Variants in TENM2 observed in about 807,000 individuals in gnomAD.
TENM2 encodes the protein teneurin transmembrane protein 2, also known as teneurin-2.
TENM2 carries 52 observed loss-of-function variants against 245.2 expected under a neutral mutation model. That is an observed-to-expected ratio of 0.21 (90% CI 0.17 to 0.27). The LOEUF (loss-of-function observed/expected upper bound fraction) is 0.27, where lower values mean the gene tolerates loss of function less well. TENM2 is among the 10% of genes least tolerant of loss of function. TENM2 has a pLI of 1.00. For missense variants in TENM2, 3,046 were observed against 3,666.8 expected, an observed-to-expected ratio of 0.83 and a Z score of 4.37; for synonymous variants, 1,363 against 1,438.9, an observed-to-expected ratio of 0.95 and a Z score of 1.19.
intron 2 of TENM2, among the ~76,000 whole-genome samples, chr5:167,526,120 A>C (rs1417274009): frequency 6.6e-6 from 1 of 151,958 alleles, no homozygotes; most frequent in Admixed American, 6.6e-5. Context: ...TATATTCATA[A>C]AAATAAGAAT....
At position 167,825,450 on chromosome 5, in the gene TENM2, G is replaced by A. The variant is rs953742736; in HGVS notation, c.503-50536G>A. 3.3e-5 allele frequency among the ~76,000 whole-genome samples: 5 copies of A among 152,250 alleles called. No individual in the cohort carries two copies. The East Asian group carries it at 5.8e-4, about 18-fold the overall frequency. ...TTTTGAGAAAGCAGACCCACTGAGC[G>A]TTTGCTTAGAAGAGCAGAAGGGAGG... On this transcript the variant is annotated intron_variant, in intron 2 of 28. Transcript: ENST00000518659.
chr5:168,074,893 CAACTT>C (rs770644443), intron 7 of TENM2, among the ~76,000 whole-genome samples: 4 of 152,098 alleles, frequency 2.6e-5, no homozygotes, highest in African/African-American at 7.2e-5. Flanking sequence ...TTTCTTAAAT[CAACTT>C]AATTTAGGTA....
At chr5:167,257,961 A>G in the TENM2 span, among the ~76,000 whole-genome samples, 4,162 of 152,040 alleles carry the variant, frequency 0.027, 172 homozygotes, top group African/African-American at 0.094. Context: ...AGACTAGGAA[A>G]GGACCAAAGT....
intron 1 of TENM2, among the ~76,000 whole-genome samples, chr5:167,288,636 C>T (rs1754453061): frequency 6.6e-6 from 1 of 152,004 alleles, no homozygotes; most frequent in African/African-American, 2.4e-5. Context: ...CCAATCTAAG[C>T]ATTTTGCTTG....
At chr5:167,503,140 T>A (rs1443006777) in intron 2 of TENM2, among the ~76,000 whole-genome samples, 2 of 152,214 alleles carry the variant, frequency 1.3e-5, no homozygotes, top group Non-Finnish European at 1.5e-5. Flanking sequence ...ATTGTTATTT[T>A]TTACTAATCA....
At chr5:167,672,402 TG>T (rs1756016406) in intron 2 of TENM2, among the ~76,000 whole-genome samples, 1 of 152,024 alleles carries the variant, frequency 6.6e-6, no homozygotes. Context: ...AAAGATAAAT[TG>T]ATTAGAACCT....
intron 26 of TENM2, among the ~76,000 whole-genome samples, chr5:168,246,416 C>G (rs1218399078): frequency 1.3e-5 from 2 of 152,150 alleles, no homozygotes; most frequent in Non-Finnish European, 2.9e-5. Flanking sequence ...GCCCTCAATT[C>G]TTAAAGTATC....
intron 2 of TENM2, among the ~76,000 whole-genome samples, chr5:167,616,583 A>G (rs2127760679): frequency 6.6e-6 from 1 of 152,228 alleles, no homozygotes; most frequent in Non-Finnish European, 1.5e-5. Flanking sequence ...TTCATTTAAA[A>G]GGCTGTAAGG....
At chr5:167,507,579 C>G (rs1463837651) in intron 2 of TENM2, among the ~76,000 whole-genome samples, 4 of 152,182 alleles carry the variant, frequency 2.6e-5, no homozygotes, top group Non-Finnish European at 5.9e-5. Flanking sequence ...CATCACTGGT[C>G]TGGGCCAAGT....
intron 2 of TENM2, among the ~76,000 whole-genome samples, chr5:167,466,755 A>G (rs1270153108): frequency 6.6e-6 from 1 of 152,198 alleles, no homozygotes; most frequent in Non-Finnish European, 1.5e-5. Flanking sequence ...TACTTATTCA[A>G]GTAATTTGTA....
chr5:167,509,229 A>G (rs1769762061), intron 2 of TENM2, among the ~76,000 whole-genome samples: 1 of 152,190 alleles, frequency 6.6e-6, no homozygotes, highest in Non-Finnish European at 1.5e-5. Context: ...AGATTGTGTA[A>G]GCTCCATTGA....
At chr5:167,894,959 A>G (rs1583301372) in intron 3 of TENM2, among the ~76,000 whole-genome samples, 1 of 128,752 alleles carries the variant, frequency 7.8e-6, no homozygotes, top group Non-Finnish European at 1.7e-5. Context: ...GGAAGGAAGG[A>G]AGGAAGGAAG....
intron 1 of TENM2, among the ~76,000 whole-genome samples, chr5:167,354,886 C>G (rs1020195075): frequency 2.0e-5 from 3 of 152,108 alleles, no homozygotes; most frequent in African/African-American, 7.2e-5. Context: ...CTTTTACTTT[C>G]AAAAGAATCG....
intron 3 of TENM2, among the ~76,000 whole-genome samples, chr5:167,890,777 C>T (rs1214497894): frequency 2.0e-5 from 3 of 152,048 alleles, no homozygotes. Context: ...TTGTTGGCAT[C>T]AATGATGATG....
intron 27 of TENM2, among the ~76,000 whole-genome samples, chr5:168,253,952 C>A (rs1324758799): frequency 1.3e-5 from 2 of 152,250 alleles, no homozygotes; most frequent in African/African-American, 4.8e-5. Context: ...ATGCATATAT[C>A]CCCTATCCCT....
the TENM2 span, among the ~76,000 whole-genome samples, chr5:167,065,520 A>G: frequency 1.3e-5 from 2 of 152,324 alleles, no homozygotes; most frequent in Non-Finnish European, 2.9e-5. Context: ...GTGTGCAGAC[A>G]CACAACGTGT....
chr5:168,109,695 C>T (rs1343216975), intron 9 of TENM2, among the ~76,000 whole-genome samples: 1 of 152,162 alleles, frequency 6.6e-6, no homozygotes, highest in African/African-American at 2.4e-5. Flanking sequence ...TAACAGGGTC[C>T]CCAGATGACT....
chr5:168,036,741 G>GTA (rs553769176), intron 5 of TENM2, among the ~76,000 whole-genome samples: 27 of 144,338 alleles, frequency 1.9e-4, no homozygotes, highest in African/African-American at 4.1e-4. Flanking sequence ...ATACGTATGT[G>GTA]TATATATATA....
intron 2 of TENM2, among the ~76,000 whole-genome samples, chr5:167,872,548 G>GAGAAAGAAAGAAAGAAAGAA (rs144381538): frequency 1.1e-4 from 7 of 65,434 alleles, no homozygotes; most frequent in Admixed American, 2.8e-4. Flanking sequence ...AAGAAAGAAA[G>GAGAAAGAAAGAAAGAAAGAA]AGAAAGAAAG....
Sources: gnomAD v4.1 joint callset for allele counts (sites outside exome capture counted in the v4.1 genomes callset) on GRCh38, gnomAD v4.1.1 for gene constraint, MANE v1.5 for transcripts, NCBI Gene and HGNC (gene_info 2026-07-23, HGNC 2026-07-21) for gene names.